The following CASZ1 variants were observed in gnomAD, a reference collection of about 807,000 sequenced individuals.
CASZ1 encodes zinc finger protein castor homolog 1.
Under a neutral mutation model 135.2 loss-of-function variants are expected in CASZ1, and 28 were observed. That is an observed-to-expected ratio of 0.21 (90% CI 0.15 to 0.28). The LOEUF (loss-of-function observed/expected upper bound fraction) is 0.28. Ranked by LOEUF, CASZ1 falls within the 10% of genes least tolerant of loss-of-function variation. The probability of loss-of-function intolerance (pLI) is 1.00; values close to 1 mark genes in which losing one functional copy is unlikely to be tolerated. For missense variants in CASZ1, 2,161 were observed against 2,453.3 expected (o/e 0.88, Z 2.52); for synonymous variants, 1,068 against 1,073.4 (o/e 0.99, Z 0.10).
intron 1 of CASZ1, among the ~76,000 whole-genome samples, chr1:10,778,056 C>T (rs866112516): frequency 1.4e-4 from 21 of 152,144 alleles, no homozygotes; most frequent in African/African-American, 4.6e-4. Context: ...TACAATTTCA[C>T]GCAAAATCTC....
intron 1 of CASZ1, among the ~76,000 whole-genome samples, chr1:10,793,307 C>T (rs1640996893): frequency 6.6e-6 from 1 of 152,032 alleles, no homozygotes; most frequent in Non-Finnish European, 1.5e-5. Context: ...GAGATCAAAG[C>T]CTTCGCTTTC....
rs1642138995 is a variant in CASZ1 at position 10,639,838 on chromosome 1, C to T, written c.4384G>A (p.Glu1462Lys). The change falls in exon 21 of 21, where the codon GAG (glutamate) becomes AAG (lysine). Residue 1462 changes from glutamate to lysine, a missense_variant. By Grantham distance (56) the Glu-to-Lys change is moderately conservative. This residue lies in a region of CASZ1 where 240 missense variants were observed against 321.4 expected (regional missense o/e 0.75). Transcript: ENST00000377022. This position sits in a 1 kb window ranked among gnomAD's most constrained non-coding sequence, Gnocchi z 4.0. Reference protein sequence around the residue: ...LKVTHYHCTRENCGYKFCGRT... With the variant: ...LKVTHYHCTRKNCGYKFCGRT... Reference sequence around the variant, plus strand: ...CCGCAGAACTTGTAGCCGCAGTTCTCGCGCGTGCAGTGGTAGTGGGTGACC... The same window carrying T: ...CCGCAGAACTTGTAGCCGCAGTTCTTGCGCGTGCAGTGGTAGTGGGTGACC... The T allele has an allele frequency of 6.2e-7, 1 of 1,611,226 alleles. No individual in the cohort carries two copies. Among genetic ancestry groups the T allele is most frequent in the Non-Finnish European group, 8.5e-7 (1 of 1,179,306 alleles).
rs1038142003 is a variant in CASZ1, at chr1:10,666,293, C to T, written c.17-722G>A. On this transcript the variant is annotated intron_variant, in intron 4 of 20. Transcript: ENST00000377022. This position sits in a 1 kb window ranked among gnomAD's most constrained non-coding sequence, Gnocchi z 5.2. ...GAAGGCCTCCGTGTTCCTCAGTCTC[C>T]TCCCTGCCTCAGGGTCTTCTCCAGC... 1.3e-5 allele frequency among the ~76,000 whole-genome samples: 2 copies of T among 152,216 alleles called. No homozygotes were observed. Among genetic ancestry groups the T allele is most frequent in the African/African-American group, 4.8e-5 (2 of 41,456 alleles).
rs146770350 is a variant in CASZ1 at position 10,653,912 on chromosome 1, C to T, written c.2145G>A (p.Thr715=). The T allele has an allele frequency of 1.1e-4, 176 of 1,613,632 alleles. No individual in the cohort carries two copies. Among genetic ancestry groups the T allele is most frequent in the African/African-American group, 7.5e-4 (56 of 75,050 alleles). ...LPPSLLGAKD[T]EHEESSNDDL... Reference sequence around the variant, plus strand: ...CGTCGTTGCTGGACTCCTCGTGCTCCGTGTCCTTGGCGCCCAGCAGCGAGG... The same window carrying T: ...CGTCGTTGCTGGACTCCTCGTGCTCTGTGTCCTTGGCGCCCAGCAGCGAGG... Residue 715 remains threonine, a synonymous_variant, in exon 11 of 21, where the codon ACG becomes ACA. Coordinates refer to ENST00000377022, the MANE Select transcript of CASZ1 (RefSeq NM_001079843.3).
rs781475715 is a variant in CASZ1 at position 10,711,125 on chromosome 1, C to T, written c.-76-5581G>A. 2.6e-5 allele frequency among the ~76,000 whole-genome samples: 4 copies of T among 152,126 alleles called. No individual in the cohort carries two copies. The highest frequency in any genetic ancestry group is 2.9e-5 in the Non-Finnish European group (2 of 68,020). ...CAGCCTGGGCGACAGAGCGAGACTCCGTCTTGGGGGGAGAAAAAAGAAAAA... is the reference window on the plus strand; with the variant it reads ...CAGCCTGGGCGACAGAGCGAGACTCTGTCTTGGGGGGAGAAAAAAGAAAAA... On this transcript the variant is annotated intron_variant, in intron 2 of 20. Coordinates refer to ENST00000377022, the MANE Select transcript of CASZ1 (RefSeq NM_001079843.3). The surrounding 1 kb of genome is among the most constrained non-coding windows in gnomAD (Gnocchi z 4.4).
Position 10,775,099 on chromosome 1 carries a change from T to C in CASZ1, c.-233-14242A>G, listed in dbSNP as rs117464058. 1.6e-3 allele frequency among the ~76,000 whole-genome samples: 247 copies of C among 152,016 alleles called. 11 individuals are homozygous for C. In the East Asian group the frequency reaches 0.044, roughly 27 times the overall value. On this transcript the variant is annotated intron_variant, in intron 1 of 20. Coordinates refer to ENST00000377022, the MANE Select transcript of CASZ1 (RefSeq NM_001079843.3). ...CACCAGGCAGTCGGCCAGAAAACCC[T>C]GGGCAATACACACGGCAGACTCCGC...
At chr1:10,698,185 G>T (rs769265981) in intron 3 of CASZ1, among the ~76,000 whole-genome samples, 2 of 152,246 alleles carry the variant, frequency 1.3e-5, no homozygotes, top group East Asian at 1.9e-4. Flanking sequence ...ACAGCCGCAC[G>T]CTCGGCCCCG....
chr1:10,766,319 C>T (rs1640478221), intron 1 of CASZ1, among the ~76,000 whole-genome samples: 1 of 152,250 alleles, frequency 6.6e-6, no homozygotes, highest in African/African-American at 2.4e-5. Flanking sequence ...GGAATCCAGG[C>T]TCTGCCACCC....
intron 1 of CASZ1, among the ~76,000 whole-genome samples, chr1:10,790,401 C>T (rs759909356): frequency 2.6e-5 from 4 of 152,144 alleles, no homozygotes; most frequent in African/African-American, 4.8e-5. Context: ...CTCCTCTCTC[C>T]GTGAATCTCC....
At position 10,651,025 on chromosome 1, in the gene CASZ1, G is replaced by A. The variant is rs781194603; in HGVS notation, c.2732C>T (p.Pro911Leu). The part of the protein sequence containing the change: ...PARFPPAQVK[P>L]EPGESTGAPG... ...GGCGCCGGTGCTCTCACCGGGTTCC[G>A]GCTTCACTTGGGCCGGGGGGAACCT... Residue 911 changes from proline (P) to leucine (L), a missense_variant, in exon 12 of 21, where the codon CCG becomes CTG. Coordinates refer to ENST00000377022, the MANE Select transcript of CASZ1 (RefSeq NM_001079843.3). The A allele has an allele frequency of 6.4e-6, 10 of 1,562,058 alleles. No individual in the cohort carries two copies. The highest frequency in any genetic ancestry group is 2.2e-5 in the Admixed American group (1 of 44,560).
At chr1:10,669,360 C>T (rs1303089932) in intron 4 of CASZ1, among the ~76,000 whole-genome samples, 4 of 152,376 alleles carry the variant, frequency 2.6e-5, no homozygotes, top group Non-Finnish European at 5.9e-5. Flanking sequence ...CTTCCTGTTC[C>T]CATAACACGG....
chr1:10,699,966 G>A lies in CASZ1; in HGVS notation c.-24+5526C>T, dbSNP rs933437957. On this transcript the variant is annotated intron_variant, in intron 3 of 20. Coordinates refer to ENST00000377022, the MANE Select transcript of CASZ1 (RefSeq NM_001079843.3). This position sits in a 1 kb window ranked among gnomAD's most constrained non-coding sequence, Gnocchi z 4.6. ...TGAGAAGAAACAGAAGAGAAGCAGA[G>A]ACAGAGAGAGAGAAAGAGAGACAGG... 6.6e-6 allele frequency among the ~76,000 whole-genome samples: 1 copy of A among 151,996 alleles called. No individual in the cohort carries two copies.
At chr1:10,783,644 G>A (rs1450997881) in intron 1 of CASZ1, among the ~76,000 whole-genome samples, 1 of 151,898 alleles carries the variant, frequency 6.6e-6, no homozygotes, top group African/African-American at 2.4e-5. Flanking sequence ...AGGCCTAGGT[G>A]GGTGGATCAC....
chr1:10,786,036 G>A (rs1051388212), intron 1 of CASZ1, among the ~76,000 whole-genome samples: 2 of 152,150 alleles, frequency 1.3e-5, no homozygotes, highest in East Asian at 1.9e-4. Flanking sequence ...CCCACGCGCC[G>A]CTCCCTCTGC....
intron 3 of CASZ1, among the ~76,000 whole-genome samples, chr1:10,702,707 C>T (rs1303290896): frequency 6.6e-6 from 1 of 152,162 alleles, no homozygotes; most frequent in Non-Finnish European, 1.5e-5. Context: ...CAGCCCCATT[C>T]CACTGCCCCA....
Position 10,697,241 on chromosome 1 carries a change from G to A in CASZ1, c.-23-3329C>T, listed in dbSNP as rs542702634. Among the ~76,000 whole-genome samples, 12 of 151,280 alleles carry A rather than the reference G, an allele frequency of 7.9e-5. No individual in the cohort carries two copies. Among genetic ancestry groups the A allele is most frequent in the African/African-American group, 2.7e-4 (11 of 41,204 alleles). ...TCATGGAGGGGCCCCCAGATTATGC[G>A]CCCCCCCCTTCTCTCTCTTTCTCTC... is the stretch of plus-strand genomic sequence containing the variant. On this transcript the variant is annotated intron_variant, in intron 3 of 20. Coordinates refer to ENST00000377022, the MANE Select transcript of CASZ1 (RefSeq NM_001079843.3). The surrounding 1 kb of genome is among the most constrained non-coding windows in gnomAD (Gnocchi z 4.7).
At chr1:10,740,888 G>A (rs1570545333) in intron 2 of CASZ1, among the ~76,000 whole-genome samples, 1 of 146,930 alleles carries the variant, frequency 6.8e-6, no homozygotes, top group Non-Finnish European at 1.5e-5. Context: ...AGCCCAGGAG[G>A]TGGAGGCTGC....
Position 10,694,160 on chromosome 1 carries a change from C to T in CASZ1, c.-23-248G>A. On this transcript the variant is annotated intron_variant, in intron 3 of 20. Transcript: ENST00000377022. This position sits in a 1 kb window ranked among gnomAD's most constrained non-coding sequence, Gnocchi z 6.6. ...CTAAGGCAGCAACTCTCGGCCGGCG[C>T]GGCCCCGGCTTGGGGGCCCTGGCCG... The T allele has an allele frequency of 3.1e-6, 1 of 319,790 alleles. No homozygotes were observed. Among genetic ancestry groups the T allele is most frequent in the Non-Finnish European group, 5.0e-6 (1 of 198,740 alleles). The allele number at this position is 319,790 out of a possible 1,614,324, so 19.8% of individuals were successfully genotyped here.
rs578208122 is a variant in CASZ1 at position 10,695,403 on chromosome 1, AT to A, written c.-23-1492del. 1.1e-3 allele frequency among the ~76,000 whole-genome samples: 172 copies of A among 152,122 alleles called. 1 individual carries two copies. Among genetic ancestry groups the A allele is most frequent in the African/African-American group, 3.9e-3 (161 of 41,520 alleles). On this transcript the variant is annotated intron_variant, in intron 3 of 20. Transcript: ENST00000377022. Reference sequence around the variant, plus strand: ...GGCCATCCGCCCCGCAGCCAGACGAATGGAGATCGGCGCCCCACTTTCCCCA... The same window carrying A: ...GGCCATCCGCCCCGCAGCCAGACGAAGGAGATCGGCGCCCCACTTTCCCCA...
Sources: gnomAD v4.1 joint callset for allele counts (sites outside exome capture counted in the v4.1 genomes callset) on GRCh38, gnomAD v4.1.1 for gene constraint, gnomAD v4.1.1 regional missense constraint, Gnocchi (gnomAD v3.1) non-coding constraint, MANE v1.5 for transcripts, NCBI Gene and HGNC (gene_info 2026-07-23, HGNC 2026-07-21) for gene names.